Variants in KCNMA1 observed in about 807,000 individuals in gnomAD.
The protein encoded by KCNMA1 is potassium calcium-activated channel subfamily M alpha 1.
In KCNMA1, 29 loss-of-function variants were observed where a neutral mutation model predicts 140.0. The ratio of observed to expected loss-of-function variants is 0.21; its 90% CI spans 0.15 to 0.28. The LOEUF (loss-of-function observed/expected upper bound fraction) is 0.28. Ranked by LOEUF, KCNMA1 falls within the 10% of genes least tolerant of loss-of-function variation. The probability of loss-of-function intolerance (pLI) is 1.00; values close to 1 mark genes in which losing one functional copy is unlikely to be tolerated. For synonymous variants in KCNMA1, 612 were observed against 611.9 expected (o/e 1.00, Z 0.00); for missense variants, 880 against 1,602.2 (o/e 0.55, Z 7.70).
intron 1 of KCNMA1, chr10:77,634,159 A>G (rs1419394158): frequency 4.1e-6 from 4 of 985,406 alleles, no homozygotes; most frequent in Non-Finnish European, 4.8e-6. Flanking sequence ...GCAGCTCCCT[A>G]TTCAATATAG....
At chr10:77,481,765 A>G (rs1225877505) in intron 1 of KCNMA1, among the ~76,000 whole-genome samples, 1 of 121,418 alleles carries the variant, frequency 8.2e-6, no homozygotes, top group East Asian at 2.7e-4. Context: ...ACAGAGAGAG[A>G]CTCTGTCTCA....
At chr10:77,401,215 C>A (rs2096253652) in intron 2 of KCNMA1, among the ~76,000 whole-genome samples, 1 of 151,552 alleles carries the variant, frequency 6.6e-6, no homozygotes, top group Non-Finnish European at 1.5e-5. Flanking sequence ...GTGGGGCGAT[C>A]TCAGCAGAGC....
chr10:77,087,568 G>C (rs2096721511), intron 10 of KCNMA1, among the ~76,000 whole-genome samples: 1 of 152,084 alleles, frequency 6.6e-6, no homozygotes, highest in African/African-American at 2.4e-5. Flanking sequence ...GTATCACTCT[G>C]AGGAGCCACA....
chr10:77,124,934 A>G (rs897412505), intron 5 of KCNMA1, among the ~76,000 whole-genome samples: 1 of 152,208 alleles, frequency 6.6e-6, no homozygotes, highest in Non-Finnish European at 1.5e-5. Flanking sequence ...ACTTACAGTC[A>G]TGGCAGAAGG....
At chr10:77,214,520 C>A (rs1242828840) in intron 3 of KCNMA1, among the ~76,000 whole-genome samples, 3 of 152,216 alleles carry the variant, frequency 2.0e-5, no homozygotes, top group Admixed American at 2.0e-4. Context: ...TCCCTTGCTG[C>A]TGGAGCTCTG....
intron 1 of KCNMA1, among the ~76,000 whole-genome samples, chr10:77,507,308 T>C (rs760916728): frequency 2.6e-5 from 4 of 151,924 alleles, no homozygotes; most frequent in Non-Finnish European, 5.9e-5. Flanking sequence ...CCTTAAAATG[T>C]TGTATTGCGT....
At chr10:77,274,065 T>A (rs1443562520) in intron 2 of KCNMA1, among the ~76,000 whole-genome samples, 1 of 152,206 alleles carries the variant, frequency 6.6e-6, no homozygotes, top group Non-Finnish European at 1.5e-5. Context: ...TTGTGGAGAT[T>A]TGCCTTGCAA....
intron 2 of KCNMA1, among the ~76,000 whole-genome samples, chr10:77,310,404 C>A (rs1488191363): frequency 6.6e-6 from 1 of 152,160 alleles, no homozygotes; most frequent in African/African-American, 2.4e-5. Context: ...CAAAGCCACA[C>A]CACACATCTA....
chr10:76,881,090 C>T (rs1193821520), downstream of KCNMA1, among the ~76,000 whole-genome samples: 1 of 152,046 alleles, frequency 6.6e-6, no homozygotes, highest in East Asian at 1.9e-4. Context: ...AAAACAACTG[C>T]AGAGAGATGC....
At chr10:77,254,270 G>A (rs567559979) in intron 2 of KCNMA1, among the ~76,000 whole-genome samples, 1 of 148,350 alleles carries the variant, frequency 6.7e-6, no homozygotes, top group African/African-American at 2.5e-5. Context: ...CGCCCAGGCT[G>A]GAGTGCAGTG....
intron 2 of KCNMA1, among the ~76,000 whole-genome samples, chr10:77,382,327 TTAAC>T (rs2095419014): frequency 6.6e-6 from 1 of 152,186 alleles, no homozygotes; most frequent in Admixed American, 6.5e-5. Context: ...TTTACATGTA[TTAAC>T]TAACAAGTCT....
intron 2 of KCNMA1, among the ~76,000 whole-genome samples, chr10:77,253,241 TAA>T (rs2060030234): frequency 6.6e-6 from 1 of 152,276 alleles, no homozygotes; most frequent in South Asian, 2.1e-4. Context: ...TCTCCATTCA[TAA>T]ACAGCTGATT....
At chr10:77,148,219 C>T (rs2098347041) in intron 5 of KCNMA1, 1 of 152,118 alleles carries the variant, frequency 6.6e-6, no homozygotes, top group Non-Finnish European at 1.5e-5. Flanking sequence ...CTATTGTGAA[C>T]TGAGAAAACC....
chr10:76,936,650 G>C (rs1220567401), intron 23 of KCNMA1, among the ~76,000 whole-genome samples: 1 of 152,306 alleles, frequency 6.6e-6, no homozygotes, highest in African/African-American at 2.4e-5. Context: ...GGAAATGTGT[G>C]TGAGGATACA....
rs551913626 is a variant in KCNMA1, at chr10:77,554,016, C to T, written c.378+83249G>A. Among the ~76,000 whole-genome samples, 7 of 151,698 alleles carry T rather than the reference C, an allele frequency of 4.6e-5. No individual in the cohort carries two copies. The South Asian group carries it at 1.0e-3, about 22-fold the overall frequency. The stretch of plus-strand genomic sequence containing the variant: ...GTTCCAACAGATGATACTGTGGCTA[C>T]GATGGGCAGCTCAGATGTAGGCCAC... On this transcript the variant is annotated intron_variant, in intron 1 of 27. Transcript: ENST00000286628.
chr10:77,573,887 G>A (rs1004426995), intron 1 of KCNMA1, among the ~76,000 whole-genome samples: 1 of 150,370 alleles, frequency 6.7e-6, no homozygotes, highest in Non-Finnish European at 1.5e-5. Flanking sequence ...ACCCAGGCTG[G>A]AGTGCAGTGA....
At chr10:77,219,272 A>G (rs1599047706) in intron 3 of KCNMA1, among the ~76,000 whole-genome samples, 1 of 152,316 alleles carries the variant, frequency 6.6e-6, no homozygotes, top group East Asian at 1.9e-4. Flanking sequence ...AATCGTGACG[A>G]CATGCTTCTA....
At chr10:76,975,509 G>C (rs186340983) in intron 19 of KCNMA1, 45 of 152,372 alleles carry the variant, frequency 3.0e-4, no homozygotes, top group African/African-American at 1.0e-3. Context: ...TATGATTCCT[G>C]TAAAGGAGCA....
chr10:77,608,925 A>C (rs1453778369), intron 1 of KCNMA1, among the ~76,000 whole-genome samples: 2 of 143,228 alleles, frequency 1.4e-5, no homozygotes, highest in Non-Finnish European at 3.1e-5. Context: ...TATAAGCAAA[A>C]AAAGAGAGAG....
Sources: allele counts gnomAD v4.1 joint callset (sites outside exome capture counted in the v4.1 genomes callset), GRCh38; gene constraint gnomAD v4.1.1; transcripts MANE v1.5; gene names NCBI Gene and HGNC (gene_info 2026-07-23, HGNC 2026-07-21).